Variants in SGCZ observed in about 807,000 individuals in gnomAD.
SGCZ encodes sarcoglycan zeta.
Under a neutral mutation model 41.3 loss-of-function variants are expected in SGCZ, and 40 were observed. That is an observed-to-expected ratio of 0.97 (90% CI 0.75 to 1.26). The LOEUF (loss-of-function observed/expected upper bound fraction) is 1.26, where lower values mean the gene tolerates loss of function less well. SGCZ is among the 50% of genes most tolerant of loss of function. The probability of loss-of-function intolerance (pLI) is 0.00; values close to 1 mark genes in which losing one functional copy is unlikely to be tolerated. For missense variants in SGCZ, 552 were observed against 369.8 expected, an observed-to-expected ratio of 1.49 and a Z score of -4.04; for synonymous variants, 206 against 137.5, an observed-to-expected ratio of 1.50 and a Z score of -3.49.
At chr8:14,320,955 G>A (rs561670577) in intron 3 of SGCZ, among the ~76,000 whole-genome samples, 1 of 152,152 alleles carries the variant, frequency 6.6e-6, no homozygotes, top group Admixed American at 6.6e-5. Flanking sequence ...GACTACCTTG[G>A]ACTCGTGTAA....
At chr8:14,859,960 T>C (rs1803663700) in intron 1 of SGCZ, among the ~76,000 whole-genome samples, 1 of 152,202 alleles carries the variant, frequency 6.6e-6, no homozygotes, top group Admixed American at 6.5e-5. Flanking sequence ...TGAATGACTC[T>C]ATAATTTTTA....
At chr8:14,863,291 G>A (rs191042739) in intron 1 of SGCZ, among the ~76,000 whole-genome samples, 1 of 152,054 alleles carries the variant, frequency 6.6e-6, no homozygotes, top group Admixed American at 6.6e-5. Context: ...GAAATACAGA[G>A]TTTTCTTTTT....
chr8:14,376,588 C>T (rs559240670), intron 2 of SGCZ, among the ~76,000 whole-genome samples: 4 of 152,116 alleles, frequency 2.6e-5, no homozygotes, highest in African/African-American at 9.6e-5. Flanking sequence ...CTCTACCCAA[C>T]CTTCAAAAAA....
intron 5 of SGCZ, among the ~76,000 whole-genome samples, chr8:14,145,986 A>C (rs1314587214): frequency 2.6e-5 from 4 of 152,192 alleles, no homozygotes; most frequent in Non-Finnish European, 5.9e-5. Flanking sequence ...TATTGTCCTT[A>C]AAAGAAGGTA....
intron 1 of SGCZ, among the ~76,000 whole-genome samples, chr8:14,769,609 T>C (rs1267764017): frequency 1.3e-5 from 2 of 151,854 alleles, no homozygotes; most frequent in African/African-American, 2.4e-5. Flanking sequence ...CTGGCCAGCA[T>C]GGCGAAACCC....
chr8:14,969,101 A>T (rs1801212244), intron 1 of SGCZ, among the ~76,000 whole-genome samples: 1 of 152,170 alleles, frequency 6.6e-6, no homozygotes, highest in Admixed American at 6.5e-5. Flanking sequence ...GACCCAATTA[A>T]CACCGCACTC....
At chr8:15,018,901 G>A (rs923779387) in intron 1 of SGCZ, among the ~76,000 whole-genome samples, 1 of 152,224 alleles carries the variant, frequency 6.6e-6, no homozygotes, top group Non-Finnish European at 1.5e-5. Flanking sequence ...GAGGAAGAAG[G>A]GATGTCTGGG....
At chr8:14,570,098 G>T (rs960136340) in intron 1 of SGCZ, among the ~76,000 whole-genome samples, 1 of 151,996 alleles carries the variant, frequency 6.6e-6, no homozygotes, top group Non-Finnish European at 1.5e-5. Context: ...TTTATCTGTT[G>T]ATTTTCTGTC....
chr8:14,504,958 G>A (rs1048311392), intron 2 of SGCZ, among the ~76,000 whole-genome samples: 3 of 152,032 alleles, frequency 2.0e-5, no homozygotes, highest in African/African-American at 7.2e-5. Flanking sequence ...TATTTATAAT[G>A]TCTGAACTGT....
intron 2 of SGCZ, among the ~76,000 whole-genome samples, chr8:14,496,728 C>T (rs183793309): frequency 3.3e-5 from 5 of 152,088 alleles, no homozygotes; most frequent in Non-Finnish European, 1.5e-5. Context: ...TTCCTTTTCC[C>T]TAGCCATAGA....
intron 1 of SGCZ, among the ~76,000 whole-genome samples, chr8:15,182,612 G>A (rs1800210676): frequency 6.6e-6 from 1 of 152,094 alleles, no homozygotes. Flanking sequence ...CCCTTACCAT[G>A]AATGGAGCTT....
At chr8:14,647,282 A>G (rs1807253625) in intron 1 of SGCZ, among the ~76,000 whole-genome samples, 1 of 152,036 alleles carries the variant, frequency 6.6e-6, no homozygotes, top group African/African-American at 2.4e-5. Flanking sequence ...ATAACTATTC[A>G]CTAGCATTAA....
At chr8:14,431,689 G>A (rs1799945998) in intron 2 of SGCZ, among the ~76,000 whole-genome samples, 1 of 152,094 alleles carries the variant, frequency 6.6e-6, no homozygotes, top group African/African-American at 2.4e-5. Flanking sequence ...AAATAGCTGG[G>A]ACTTAATTAA....
intron 1 of SGCZ, among the ~76,000 whole-genome samples, chr8:15,027,216 G>A (rs142795450): frequency 6.6e-6 from 1 of 151,986 alleles, no homozygotes; most frequent in Non-Finnish European, 1.5e-5. Context: ...AATATGTACT[G>A]ACATTTTTGA....
chr8:14,874,016 C>T (rs946733632), intron 1 of SGCZ, among the ~76,000 whole-genome samples: 7 of 152,002 alleles, frequency 4.6e-5, no homozygotes, highest in Non-Finnish European at 7.4e-5. Context: ...AAAATAATTA[C>T]GATGACTGAA....
At chr8:14,127,368 T>C (rs1802893533) in intron 5 of SGCZ, among the ~76,000 whole-genome samples, 1 of 152,168 alleles carries the variant, frequency 6.6e-6, no homozygotes, top group South Asian at 2.1e-4. Context: ...GACTGTGTTT[T>C]GTCAGTGGCA....
chr8:15,077,540 GAGA>G (rs898341002), intron 1 of SGCZ, among the ~76,000 whole-genome samples: 16 of 152,176 alleles, frequency 1.1e-4, no homozygotes, highest in Admixed American at 2.6e-4. Flanking sequence ...CTAACTGAAG[GAGA>G]AGAAGGGGTT....
intron 1 of SGCZ, among the ~76,000 whole-genome samples, chr8:14,819,833 T>C (rs932012847): frequency 2.6e-5 from 4 of 151,976 alleles, no homozygotes; most frequent in South Asian, 2.1e-4. Flanking sequence ...GTTAGCACAA[T>C]AGTAACCACA....
rs571349585 is a variant in SGCZ at position 14,900,201 on chromosome 8, T to TA, written c.39+337383dup. ...TTGCTACACAGGCTGGAATAGTTTT[T>TA]AAAAAATTAAAATAAACAGCTTACG... On this transcript the variant is annotated intron_variant, in intron 1 of 7. Transcript: ENST00000382080. Among the ~76,000 whole-genome samples, 391 of 152,282 alleles carry TA rather than the reference T, an allele frequency of 2.6e-3. 2 individuals carry two copies. Among genetic ancestry groups the TA allele is most frequent in the African/African-American group, 9.0e-3 (375 of 41,554 alleles).
Sources: allele counts gnomAD v4.1 joint callset (sites outside exome capture counted in the v4.1 genomes callset), GRCh38; gene constraint gnomAD v4.1.1; transcripts MANE v1.5; gene names NCBI Gene and HGNC (gene_info 2026-07-23, HGNC 2026-07-21).